AAK1: variants seen among roughly 807,000 people sequenced by gnomAD.
AAK1 encodes the protein AP2 associated kinase 1.
In AAK1, 37 loss-of-function variants were observed where a neutral mutation model predicts 116.0. The observed-to-expected ratio is 0.32, with a 90% confidence interval of 0.25 to 0.42. The LOEUF (loss-of-function observed/expected upper bound fraction) is 0.42, where lower values mean the gene tolerates loss of function less well. AAK1 is among the 10% of genes least tolerant of loss of function. The pLI is 1.00. For synonymous variants in AAK1, 458 were observed against 439.9 expected, an observed-to-expected ratio of 1.04 and a Z score of -0.51; for missense variants, 919 against 1,170.6, an observed-to-expected ratio of 0.79 and a Z score of 3.14.
chr2:69,621,022 C>A (rs932486029), intron 2 of AAK1, among the ~76,000 whole-genome samples: 1 of 152,194 alleles, frequency 6.6e-6, no homozygotes, highest in Admixed American at 6.5e-5. Context: ...GGTGCGTCCA[C>A]CAGGGTGTAA....
intron 2 of AAK1, among the ~76,000 whole-genome samples, chr2:69,611,329 A>C (rs1674070681): frequency 6.6e-6 from 1 of 152,216 alleles, no homozygotes; most frequent in African/African-American, 2.4e-5. Flanking sequence ...TCAGACTTCC[A>C]GATTCTTCTG....
intron 2 of AAK1, among the ~76,000 whole-genome samples, chr2:69,627,902 C>T (rs1400661986): frequency 6.6e-6 from 1 of 152,208 alleles, no homozygotes; most frequent in Non-Finnish European, 1.5e-5. Context: ...GTCTCTTTTC[C>T]TCAAACACTA....
At chr2:69,619,343 C>T (rs58055146) in intron 2 of AAK1, among the ~76,000 whole-genome samples, 10,274 of 152,160 alleles carry the variant, frequency 0.068, 777 homozygotes, top group East Asian at 0.16. Context: ...CACCCTACCC[C>T]CAAGGCTTCC....
Position 69,514,680 on chromosome 2 carries a change from A to T in AAK1, c.1567T>A (p.Ser523Thr), listed in dbSNP as rs1676513400. The T allele has an allele frequency of 6.2e-7, 1 of 1,613,576 alleles. No homozygotes were observed. The highest frequency in any genetic ancestry group is 8.5e-7 in the Non-Finnish European group (1 of 1,179,752). Residue 523 changes from serine to threonine, a missense_variant, in exon 13 of 22, where the codon TCT becomes ACT. Ser to Thr is a moderately conservative substitution (Grantham distance 58, BLOSUM62 1). Transcript: ENST00000409085. Reference sequence around the variant, plus strand: ...AAATTCTGCATTAGCTGCTGTTGAGAGCCTCCTTGGGACACCACAGGGAAC... The same window carrying T: ...AAATTCTGCATTAGCTGCTGTTGAGTGCCTCCTTGGGACACCACAGGGAAC... ...AQFPVVSQGG[S>T]QQQLMQNFYQ...
intron 6 of AAK1, chr2:69,531,791 T>C: frequency 2.5e-6 from 3 of 1,219,366 alleles, no homozygotes; most frequent in Non-Finnish European, 3.1e-6. Flanking sequence ...AAAACATCTA[T>C]GTACAATGAC....
At chr2:69,608,977 A>T (rs573415833) in intron 2 of AAK1, among the ~76,000 whole-genome samples, 1 of 152,368 alleles carries the variant, frequency 6.6e-6, no homozygotes, top group East Asian at 1.9e-4. Context: ...GAGAAGACAC[A>T]CATAAAAGGA....
intron 12 of AAK1, among the ~76,000 whole-genome samples, chr2:69,517,915 C>T (rs575570852): frequency 4.6e-5 from 7 of 152,186 alleles, no homozygotes; most frequent in South Asian, 4.2e-4. Flanking sequence ...GGCTTGAGGC[C>T]GGGAGTTTGA....
At chr2:69,540,538 A>G (rs1474733091) in intron 5 of AAK1, among the ~76,000 whole-genome samples, 1 of 152,256 alleles carries the variant, frequency 6.6e-6, no homozygotes, top group Admixed American at 6.5e-5. Context: ...AACTGCCTTA[A>G]TATAGAAATG....
At chr2:69,479,980 C>T (rs1015712765) in intron 19 of AAK1, among the ~76,000 whole-genome samples, 12 of 152,054 alleles carry the variant, frequency 7.9e-5, no homozygotes, top group African/African-American at 2.7e-4. Context: ...GTCTCAAACT[C>T]CCGACCTCAG....
rs1035635876 is a variant in AAK1, at chr2:69,472,780, T to C, written c.*3089A>G. 7.1e-6 allele frequency: 7 copies of C among 983,770 alleles called. No homozygotes were observed. The highest frequency in any genetic ancestry group is 1.2e-4 in the Admixed American group (2 of 16,114). The allele number at this position is 983,770 out of a possible 1,614,324, so 60.9% of individuals were successfully genotyped here. On this transcript the variant is annotated 3_prime_UTR_variant, in exon 22 of 22. Transcript: ENST00000409085. ...TTTTAAACTGGTAGATGCCTGATTA[T>C]ACATTTAAAAAGAAATCTTCTGATA...
chr2:69,618,147 C>T (rs542094977), intron 2 of AAK1, among the ~76,000 whole-genome samples: 1 of 152,162 alleles, frequency 6.6e-6, no homozygotes, highest in Non-Finnish European at 1.5e-5. Flanking sequence ...GATGCCTCTA[C>T]AGCGACCATG....
chr2:69,626,824 T>C (rs1352602558), intron 2 of AAK1, among the ~76,000 whole-genome samples: 1 of 152,094 alleles, frequency 6.6e-6, no homozygotes, highest in African/African-American at 2.4e-5. Flanking sequence ...TAATTTTACT[T>C]AGGATTTATT....
At position 69,513,570 on chromosome 2, in the gene AAK1, G is replaced by A. The variant is rs528954045; in HGVS notation, c.1776+901C>T. ...GATCTCCTGACCTTGTGATCCGCCC[G>A]CCTCGGCCTCCCAAAGTGCTGGGAT... On this transcript the variant is annotated intron_variant, in intron 13 of 21. Transcript: ENST00000409085. Among the ~76,000 whole-genome samples, 5 of 152,224 alleles carry A rather than the reference G, an allele frequency of 3.3e-5. No individual in the cohort carries two copies. In the East Asian group the frequency reaches 9.7e-4, roughly 29 times the overall value.
chr2:69,500,808 A>T (rs1675954740), intron 16 of AAK1, among the ~76,000 whole-genome samples: 2 of 151,320 alleles, frequency 1.3e-5, no homozygotes, highest in Admixed American at 1.3e-4. Flanking sequence ...CTCATTAAAA[A>T]ACAGCTCATA....
intron 12 of AAK1, among the ~76,000 whole-genome samples, chr2:69,518,708 C>T (rs1307467732): frequency 1.3e-5 from 2 of 152,088 alleles, no homozygotes; most frequent in African/African-American, 2.4e-5. Flanking sequence ...CGAGCCACTG[C>T]ACCCGGCCAA....
rs200988023 is a variant in AAK1, at chr2:69,603,393, C to T, written c.163+39485G>A. Among the ~76,000 whole-genome samples, 22 of 152,138 alleles carry T rather than the reference C, an allele frequency of 1.4e-4. No individual in the cohort carries two copies. In the East Asian group the frequency reaches 3.7e-3, roughly 25 times the overall value. On this transcript the variant is annotated intron_variant, in intron 2 of 21. Transcript: ENST00000409085. Reference sequence around the variant, plus strand: ...AAACAGAGGAGAGAGAGAGAGAGAACCCTATTCTGAGAATAAAAGGCAATT... The same window carrying T: ...AAACAGAGGAGAGAGAGAGAGAGAATCCTATTCTGAGAATAAAAGGCAATT...
chr2:69,643,503 T>G (rs951599599), intron 1 of AAK1, 72 bp downstream of exon 1: 62 of 1,220,966 alleles, frequency 5.1e-5, no homozygotes, highest in Non-Finnish European at 6.1e-5. Flanking sequence ...GCGCCGACCC[T>G]CCCGGGCACT....
chr2:69,466,739 T>C lies in AAK1; in HGVS notation c.*9130A>G, dbSNP rs773084499. 3.0e-6 allele frequency: 3 copies of C among 985,400 alleles called. No homozygotes were observed. Among genetic ancestry groups the C allele is most frequent in the Non-Finnish European group, 3.6e-6 (3 of 829,924 alleles). 61.0% of individuals were successfully genotyped at this position (985,400 alleles called of 1,614,324 possible). Reference sequence around the variant, plus strand: ...CAAACTGGAACACAATCAACCACTGTCTCACGTTTTGGAACATGATAGGCA... The same window carrying C: ...CAAACTGGAACACAATCAACCACTGCCTCACGTTTTGGAACATGATAGGCA... On this transcript the variant is annotated 3_prime_UTR_variant, in exon 22 of 22. Coordinates refer to ENST00000409085, the MANE Select transcript of AAK1 (RefSeq NM_014911.5).
At position 69,471,304 on chromosome 2, in the gene AAK1, T is replaced by C. The variant is rs1356944684; in HGVS notation, c.*4565A>G. On this transcript the variant is annotated 3_prime_UTR_variant, in exon 22 of 22. Coordinates refer to ENST00000409085, the MANE Select transcript of AAK1 (RefSeq NM_014911.5). ...CCTATCCCGTATTAGTGAAAGGAAA[T>C]CTGGGAGAAGCAAAAGAGGTTTCTT... 2.0e-6 allele frequency: 2 copies of C among 985,322 alleles called. No individual in the cohort carries two copies. The highest frequency in any genetic ancestry group is 3.5e-5 in the African/African-American group (2 of 57,234). 61.0% of individuals were successfully genotyped at this position (985,322 alleles called of 1,614,324 possible).
Sources: gnomAD v4.1 joint callset for allele counts (sites outside exome capture counted in the v4.1 genomes callset) on GRCh38, gnomAD v4.1.1 for gene constraint, MANE v1.5 for transcripts, NCBI Gene and HGNC (gene_info 2026-07-23, HGNC 2026-07-21) for gene names.